Variants in ADH1A observed in about 807,000 individuals in gnomAD.
ADH1A encodes the protein alcohol dehydrogenase 1A.
Under a neutral mutation model 35.2 loss-of-function variants are expected in ADH1A, and 29 were observed. The ratio of observed to expected loss-of-function variants is 0.82; its 90% CI spans 0.61 to 1.12. The LOEUF is 1.12. Ranked by LOEUF, ADH1A falls within the 50% of genes most tolerant of loss-of-function variation. ADH1A has a pLI of 0.00. For missense variants in ADH1A, 469 were observed against 464.7 expected (o/e 1.01, Z -0.09); for synonymous variants, 147 against 164.8 (o/e 0.89, Z 0.83).
intron 5 of ADH1A, among the ~76,000 whole-genome samples, chr4:99,283,473 TATTC>T (rs146495893): frequency 4.0e-5 from 6 of 151,576 alleles, no homozygotes; most frequent in African/African-American, 9.7e-5. Flanking sequence ...TAAGGGTGTC[TATTC>T]ATTCATTCAT....
At chr4:99,278,246 T>C (rs1167751422) in intron 8 of ADH1A, among the ~76,000 whole-genome samples, 1 of 152,132 alleles carries the variant, frequency 6.6e-6, no homozygotes. Flanking sequence ...GATGATGATG[T>C]CAATGATAAT....
chr4:99,284,476 C>A lies in ADH1A; in HGVS notation c.490G>T (p.Ala164Ser), dbSNP rs778783854. Residue 164 changes from alanine to serine, a missense_variant, in exon 5 of 9, where the codon GCC (alanine) becomes TCC (serine). Coordinates refer to ENST00000209668, the MANE Select transcript of ADH1A (RefSeq NM_000667.4). ...DENAVAKIDA[A>S]SPLEKVCLIG... ...AGACAGACTTTCTCTAGAGGCGAGG[C>A]TGCATCAATTTTGGCTACTGCATTT... The A allele has an allele frequency of 6.2e-7, 1 of 1,614,212 alleles. No individual in the cohort carries two copies. Among genetic ancestry groups the A allele is most frequent in the Non-Finnish European group, 8.5e-7 (1 of 1,180,030 alleles).
intron 2 of ADH1A, 156 bp from the exon 3 acceptor site, chr4:99,287,144 T>A: frequency 1.1e-6 from 1 of 942,852 alleles, no homozygotes; most frequent in Non-Finnish European, 1.5e-6. Flanking sequence ...ATCCTCAAGG[T>A]TGACCAGGCT....
intron 6 of ADH1A, 154 bp downstream of exon 6, chr4:99,282,192 A>G (rs1448347579): frequency 7.0e-7 from 1 of 1,426,184 alleles, no homozygotes; most frequent in Non-Finnish European, 9.8e-7. Context: ...ATTCCTCATA[A>G]CAATAAATTA....
intron 1 of ADH1A, among the ~76,000 whole-genome samples, chr4:99,289,963 T>G (rs552533926): frequency 8.6e-4 from 131 of 152,320 alleles, no homozygotes; most frequent in South Asian, 2.3e-3. Flanking sequence ...GAACCTGTTT[T>G]GTCACAGAGT....
rs184952784 is a variant in ADH1A at position 99,282,324 on chromosome 4, C to T, written c.828+22G>A. On this transcript the variant is annotated intron_variant, in intron 6 of 8. Coordinates refer to ENST00000209668, the MANE Select transcript of ADH1A (RefSeq NM_000667.4). ...CTCCAAGTTGTAGAGGCAGAAATCT[C>T]AGGGCATGTCATGGTACATACCATG... 656 of 1,614,190 alleles carry T rather than the reference C, an allele frequency of 4.1e-4. 5 individuals are homozygous for T. The African/African-American group carries it at 8.0e-3, about 20-fold the overall frequency.
chr4:99,280,796 T>C (rs1431868002), intron 6 of ADH1A, among the ~76,000 whole-genome samples: 1 of 152,198 alleles, frequency 6.6e-6, no homozygotes, highest in African/African-American at 2.4e-5. Context: ...ATTTCTCAAA[T>C]GGACATGTTT....
intron 3 of ADH1A, 25 bp downstream of exon 3, chr4:99,286,825 T>C: frequency 6.2e-7 from 1 of 1,611,918 alleles, no homozygotes. Flanking sequence ...TGAACCATCA[T>C]GTTTCCTGAA....
chr4:99,280,226 C>A lies in ADH1A; in HGVS notation c.882G>T (p.Gly294=). The A allele has an allele frequency of 6.2e-7, 1 of 1,613,688 alleles. No homozygotes were observed. The highest frequency in any genetic ancestry group is 8.5e-7 in the Non-Finnish European group (1 of 1,179,826). Residue 294 remains glycine (G), a synonymous_variant, in exon 7 of 9, where the codon GGG becomes GGT. Transcript: ENST00000209668. ...AGAGGTTTTGGGAATCAGGAGGTAC[C>A]CCTACGATGACACTTGTGCCACATG... The part of the protein sequence containing the change: ...HEACGTSVIV[G]VPPDSQNLSM...
intron 5 of ADH1A, 24 bp downstream of exon 5, chr4:99,284,375 T>G: frequency 1.9e-6 from 3 of 1,612,400 alleles, no homozygotes; most frequent in Non-Finnish European, 2.5e-6. Flanking sequence ...TGTAACTGTT[T>G]TTATCACCCA....
At chr4:99,283,559 A>T (rs1733057366) in intron 5 of ADH1A, among the ~76,000 whole-genome samples, 1 of 152,180 alleles carries the variant, frequency 6.6e-6, no homozygotes, top group Non-Finnish European at 1.5e-5. Flanking sequence ...AGAAAAATAC[A>T]AGGCTTGTGA....
chr4:99,284,542 G>A lies in ADH1A; in HGVS notation c.424C>T (p.Leu142Phe), dbSNP rs1433537267. 1 of 1,614,098 alleles carries A rather than the reference G, an allele frequency of 6.2e-7. No homozygotes were observed. Among genetic ancestry groups the A allele is most frequent in the African/African-American group, 1.3e-5 (1 of 74,928 alleles). ...TCRRKPIHHFLGISTFSQYTV... is the reference protein window; with the variant it reads ...TCRRKPIHHFFGISTFSQYTV... Reference sequence around the variant, plus strand: ...TACTGTGAGAAGGTGCTGATGCCAAGGAAGTGGTGGATGGGCTTCCTCCTG... The same window carrying A: ...TACTGTGAGAAGGTGCTGATGCCAAAGAAGTGGTGGATGGGCTTCCTCCTG... Residue 142 changes from leucine (L) to phenylalanine (F), a missense_variant, in exon 5 of 9, where the codon CTT becomes TTT. Transcript: ENST00000209668.
At chr4:99,281,880 C>T (rs12504365) in intron 6 of ADH1A, 20,742 of 191,966 alleles carry the variant, frequency 0.11, 1,534 homozygotes, top group Admixed American at 0.25. Context: ...GTTAATAAAA[C>T]AATAGTTGGC....
At chr4:99,283,290 C>T (rs983169305) in intron 5 of ADH1A, among the ~76,000 whole-genome samples, 1 of 152,100 alleles carries the variant, frequency 6.6e-6, no homozygotes, top group African/African-American at 2.4e-5. Context: ...TTAAAATAGA[C>T]GAGGCAATTG....
At position 99,282,422 on chromosome 4, in the gene ADH1A, A is replaced by T. The variant is rs766917655; in HGVS notation, c.752T>A (p.Ile251Asn). Residue 251 changes from isoleucine to asparagine, a missense_variant, in exon 6 of 9, where the codon ATC becomes AAC. By Grantham distance (149) the Ile-to-Asn change is moderately radical. Transcript: ENST00000209668. ...CINPQDYKKP[I>N]QEVLKEMTDG... is the part of the protein sequence containing the mutation. ...AGTCATTTCCTTTAGCACCTCCTGG[A>T]TGGGTTTCTTGTAGTCTTGAGGGTT... The T allele has an allele frequency of 1.2e-6, 2 of 1,613,940 alleles. No individual in the cohort carries two copies. Among genetic ancestry groups the T allele is most frequent in the African/African-American group, 2.7e-5 (2 of 74,876 alleles).
chr4:99,283,122 C>G (rs1010290309), intron 5 of ADH1A, among the ~76,000 whole-genome samples: 1 of 152,272 alleles, frequency 6.6e-6, no homozygotes, highest in Admixed American at 6.5e-5. Flanking sequence ...CTCCTTGGTT[C>G]ATTTATGTTC....
intron 6 of ADH1A, chr4:99,282,044 GTTTAC>G (rs973991781): frequency 8.4e-5 from 36 of 429,264 alleles, no homozygotes; most frequent in Admixed American, 3.9e-4. Flanking sequence ...TATTATTTAT[GTTTAC>G]TTTAACTTAC....
At chr4:99,283,104 G>T (rs1733047327) in intron 5 of ADH1A, among the ~76,000 whole-genome samples, 1 of 152,150 alleles carries the variant, frequency 6.6e-6, no homozygotes, top group South Asian at 2.1e-4. Context: ...TAAACCCTCA[G>T]TAATGAACTC....
At chr4:99,278,996 C>T (rs28364333) in intron 8 of ADH1A, among the ~76,000 whole-genome samples, 17,466 of 151,996 alleles carry the variant, frequency 0.11, 1,323 homozygotes, top group Admixed American at 0.25. Flanking sequence ...TTCACATACT[C>T]CAATAATGAA....
Sources: allele counts gnomAD v4.1 joint callset (sites outside exome capture counted in the v4.1 genomes callset), GRCh38; gene constraint gnomAD v4.1.1; transcripts MANE v1.5; gene names NCBI Gene and HGNC (gene_info 2026-07-23, HGNC 2026-07-21).